LUZP2: variants seen among roughly 807,000 people sequenced by gnomAD.
The protein encoded by LUZP2 is leucine zipper protein 2.
LUZP2 carries 52 observed loss-of-function variants against 51.6 expected under a neutral mutation model. The observed-to-expected ratio is 1.01, with a 90% CI of 0.81 to 1.27. LUZP2 has a LOEUF of 1.27. Ranked by LOEUF, LUZP2 falls within the 50% of genes most tolerant of loss-of-function variation. The pLI, the probability that LUZP2 is intolerant of heterozygous loss-of-function variation, is 0.00. For synonymous variants in LUZP2, 154 were observed against 137.3 expected, an observed-to-expected ratio of 1.12 and a Z score of -0.85; for missense variants, 436 against 395.4, an observed-to-expected ratio of 1.10 and a Z score of -0.87.
At chr11:24,966,119 G>A (rs1855574272) in intron 7 of LUZP2, among the ~76,000 whole-genome samples, 2 of 151,710 alleles carry the variant, frequency 1.3e-5, no homozygotes, top group South Asian at 2.1e-4. Context: ...ATATTCTCAT[G>A]AGCATTTTTG....
chr11:24,813,652 C>T (rs1850086993), intron 5 of LUZP2, among the ~76,000 whole-genome samples: 1 of 152,218 alleles, frequency 6.6e-6, no homozygotes, highest in East Asian at 1.9e-4. Context: ...ACATCTCCCA[C>T]CAGGTCGCAC....
At chr11:24,804,917 G>A (rs1849807594) in intron 5 of LUZP2, among the ~76,000 whole-genome samples, 1 of 151,944 alleles carries the variant, frequency 6.6e-6, no homozygotes, top group Admixed American at 6.6e-5. Context: ...TTGGCTCACT[G>A]CAACCTCTGC....
chr11:24,852,307 C>T (rs1313153444), intron 5 of LUZP2, among the ~76,000 whole-genome samples: 1 of 152,122 alleles, frequency 6.6e-6, no homozygotes, highest in Non-Finnish European at 1.5e-5. Flanking sequence ...TACATTGTGT[C>T]TTTGTTCTCA....
Position 25,077,351 on chromosome 11 carries a change from A to G in LUZP2, c.881A>G (p.Lys294Arg). The G allele has an allele frequency of 6.2e-7, 1 of 1,612,942 alleles. No individual in the cohort carries two copies. The highest frequency in any genetic ancestry group is 1.3e-5 in the African/African-American group (1 of 74,968). ...SQDEGRPCSM[K>R]HKESPPSNAT... ...TAGGAGGGCAGACCGTGTTCCATGAAGCACAAAGAAAGTCCCCCAAGTAAT... is the reference window on the plus strand; with the variant it reads ...TAGGAGGGCAGACCGTGTTCCATGAGGCACAAAGAAAGTCCCCCAAGTAAT... Residue 294 changes from lysine to arginine, a missense_variant, in exon 11 of 12, where the codon AAG becomes AGG. By Grantham distance (26) the Lys-to-Arg change is conservative. Transcript: ENST00000336930.
chr11:24,926,457 A>G (rs942697142), intron 7 of LUZP2, among the ~76,000 whole-genome samples: 7 of 137,884 alleles, frequency 5.1e-5, no homozygotes, highest in South Asian at 2.3e-4. Flanking sequence ...ATGTGTGTGT[A>G]TATATATACG....
At chr11:24,983,725 G>C (rs1856106560) in intron 9 of LUZP2, among the ~76,000 whole-genome samples, 1 of 150,068 alleles carries the variant, frequency 6.7e-6, no homozygotes, top group African/African-American at 2.4e-5. Context: ...TAGAATCTTA[G>C]TGTAAATATT....
chr11:24,651,721 T>A (rs1402836632), intron 1 of LUZP2, among the ~76,000 whole-genome samples: 1 of 152,138 alleles, frequency 6.6e-6, no homozygotes, highest in Non-Finnish European at 1.5e-5. Context: ...GATAAACATT[T>A]AAATCAGTAG....
At chr11:24,842,750 T>G (rs527520087) in intron 5 of LUZP2, among the ~76,000 whole-genome samples, 1 of 151,972 alleles carries the variant, frequency 6.6e-6, no homozygotes, top group East Asian at 1.9e-4. Flanking sequence ...GCTTTAAGAT[T>G]ATATGTAATG....
intron 1 of LUZP2, among the ~76,000 whole-genome samples, chr11:24,636,333 A>AAT (rs1283037139): frequency 6.6e-6 from 1 of 152,172 alleles, no homozygotes; most frequent in African/African-American, 2.4e-5. Flanking sequence ...TAAGTAATTA[A>AAT]ATATAATCAA....
At chr11:24,790,681 T>C (rs1849381248) in intron 5 of LUZP2, among the ~76,000 whole-genome samples, 1 of 152,092 alleles carries the variant, frequency 6.6e-6, no homozygotes, top group Non-Finnish European at 1.5e-5. Flanking sequence ...TTTGTATTTT[T>C]AGTAGAGTCG....
chr11:24,586,452 A>G (rs1323076245), intron 1 of LUZP2, among the ~76,000 whole-genome samples: 1 of 152,098 alleles, frequency 6.6e-6, no homozygotes, highest in East Asian at 1.9e-4. Flanking sequence ...AGAAAAATAT[A>G]TAATTTTCTC....
chr11:25,010,295 T>C (rs1856944425), intron 9 of LUZP2, among the ~76,000 whole-genome samples: 1 of 152,190 alleles, frequency 6.6e-6, no homozygotes, highest in South Asian at 2.1e-4. Flanking sequence ...GGCTCATGAC[T>C]GTAATCCCAG....
At chr11:24,994,691 C>T (rs1325523763) in intron 9 of LUZP2, among the ~76,000 whole-genome samples, 1 of 152,156 alleles carries the variant, frequency 6.6e-6, no homozygotes, top group African/African-American at 2.4e-5. Context: ...AAAGGGATGA[C>T]ATTGAGTCTT....
At chr11:24,699,549 A>C (rs995184326) in intron 1 of LUZP2, among the ~76,000 whole-genome samples, 11 of 151,920 alleles carry the variant, frequency 7.2e-5, no homozygotes, top group Non-Finnish European at 1.3e-4. Flanking sequence ...ATAAACAAGG[A>C]AAGCACACAG....
intron 5 of LUZP2, among the ~76,000 whole-genome samples, chr11:24,773,849 G>A (rs1229122259): frequency 2.0e-5 from 3 of 152,112 alleles, no homozygotes; most frequent in Admixed American, 6.5e-5. Context: ...CTCCCACTAA[G>A]GACTGTTAAG....
chr11:24,548,679 G>T (rs1361669049), intron 1 of LUZP2, among the ~76,000 whole-genome samples: 1 of 151,876 alleles, frequency 6.6e-6, no homozygotes, highest in Non-Finnish European at 1.5e-5. Context: ...TAACGAACTT[G>T]CCCAGCTATC....
At chr11:24,610,516 C>T (rs1854084164) in intron 1 of LUZP2, among the ~76,000 whole-genome samples, 1 of 152,182 alleles carries the variant, frequency 6.6e-6, no homozygotes, top group South Asian at 2.1e-4. Flanking sequence ...GCCATCCAAC[C>T]ATGCATTTTG....
intron 9 of LUZP2, among the ~76,000 whole-genome samples, chr11:25,002,894 T>C (rs1238764340): frequency 6.6e-6 from 1 of 152,132 alleles, no homozygotes; most frequent in Non-Finnish European, 1.5e-5. Context: ...GATTAGAGTA[T>C]ACAGGAGCCT....
At chr11:24,774,136 A>G (rs892297309) in intron 5 of LUZP2, among the ~76,000 whole-genome samples, 1 of 151,866 alleles carries the variant, frequency 6.6e-6, no homozygotes, top group African/African-American at 2.4e-5. Context: ...ATAAGCAGGT[A>G]GAAAAATGTG....
Sources: allele counts gnomAD v4.1 joint callset (sites outside exome capture counted in the v4.1 genomes callset), GRCh38; gene constraint gnomAD v4.1.1; transcripts MANE v1.5; gene names NCBI Gene and HGNC (gene_info 2026-07-23, HGNC 2026-07-21).